Variants in CAPN13 observed in about 807,000 individuals in gnomAD.
CAPN13 encodes calpain-13.
A neutral mutation model predicts 98.4 loss-of-function variants in CAPN13; 90 were observed. That is an observed-to-expected ratio of 0.92 (90% CI 0.77 to 1.09). The LOEUF is 1.09. CAPN13 is among the 50% of genes least tolerant of loss of function. The pLI is 0.00. For missense variants in CAPN13, 887 were observed against 841.3 expected (o/e 1.05, Z -0.67); for synonymous variants, 330 against 305.5 (o/e 1.08, Z -0.84).
chr2:30,779,641 C>T (rs906914036), intron 2 of CAPN13, among the ~76,000 whole-genome samples: 2 of 152,042 alleles, frequency 1.3e-5, no homozygotes, highest in African/African-American at 4.8e-5. Context: ...AAACCCATAG[C>T]CTCAGATGCA....
At chr2:30,730,952 C>T (rs1207283826) in intron 21 of CAPN13, among the ~76,000 whole-genome samples, 166 bp from the exon 22 acceptor site, 1 of 152,170 alleles carries the variant, frequency 6.6e-6, no homozygotes, top group Non-Finnish European at 1.5e-5. Context: ...TCTCACAGCA[C>T]ATCTTCTGCT....
At position 30,764,312 on chromosome 2, in the gene CAPN13, A is replaced by G. The variant is rs1673003564; in HGVS notation, c.525-6T>C. 6.2e-7 allele frequency: 1 copy of G among 1,612,912 alleles called. No homozygotes were observed. The highest frequency in any genetic ancestry group is 1.1e-5 in the South Asian group (1 of 90,942). ...CGGAATAGGATCCGAGCAGCCTGGGAGGGAATGGGGGATGAACCATCGTGG... is the reference window on the plus strand; with the variant it reads ...CGGAATAGGATCCGAGCAGCCTGGGGGGGAATGGGGGATGAACCATCGTGG... On this transcript the variant is annotated splice_polypyrimidine_tract_variant and splice_region_variant and intron_variant, in intron 5 of 22. Transcript: ENST00000295055.
chr2:30,801,007 A>G (rs1675238751), intron 1 of CAPN13, among the ~76,000 whole-genome samples: 1 of 152,100 alleles, frequency 6.6e-6, no homozygotes, highest in Non-Finnish European at 1.5e-5. Flanking sequence ...TCATTTAGCT[A>G]ATTCAAATTT....
At chr2:30,790,101 C>A (rs187805523) in intron 1 of CAPN13, among the ~76,000 whole-genome samples, 3 of 152,342 alleles carry the variant, frequency 2.0e-5, no homozygotes, top group Admixed American at 1.3e-4. Flanking sequence ...TAGTTCTTTC[C>A]TCTGAGTTGC....
At chr2:30,778,338 G>A (rs1312447464) in intron 2 of CAPN13, among the ~76,000 whole-genome samples, 1 of 152,146 alleles carries the variant, frequency 6.6e-6, no homozygotes, top group Non-Finnish European at 1.5e-5. Flanking sequence ...ATGAAGAACT[G>A]TCAGCAGGCA....
intron 8 of CAPN13, among the ~76,000 whole-genome samples, chr2:30,757,604 T>A (rs917862847): frequency 6.6e-6 from 1 of 152,222 alleles, no homozygotes; most frequent in Admixed American, 6.5e-5. Context: ...ACCCTGATGA[T>A]GTGACATGCT....
chr2:30,783,175 T>C (rs144939849), intron 2 of CAPN13, among the ~76,000 whole-genome samples: 178 of 152,322 alleles, frequency 1.2e-3, no homozygotes, highest in African/African-American at 4.2e-3. Context: ...AAACTATCCA[T>C]GAAATAAAAA....
At chr2:30,749,456 T>C (rs1672069925) in intron 11 of CAPN13, among the ~76,000 whole-genome samples, 1 of 152,242 alleles carries the variant, frequency 6.6e-6, no homozygotes, top group South Asian at 2.1e-4. Flanking sequence ...CAGCCATGTC[T>C]GGGGTACCCA....
At chr2:30,799,999 G>A (rs574638461) in intron 1 of CAPN13, among the ~76,000 whole-genome samples, 7 of 151,876 alleles carry the variant, frequency 4.6e-5, no homozygotes, top group African/African-American at 7.3e-5. Flanking sequence ...GCATGAACCC[G>A]GGAGGCAGAG....
intron 1 of CAPN13, among the ~76,000 whole-genome samples, chr2:30,788,864 G>A (rs1002334981): frequency 1.3e-5 from 2 of 152,172 alleles, no homozygotes; most frequent in Admixed American, 6.5e-5. Flanking sequence ...GCATACAACT[G>A]TCTGACAAAC....
chr2:30,734,364 G>T, intron 19 of CAPN13, 85 bp downstream of exon 19: 1 of 1,032,776 alleles, frequency 9.7e-7, no homozygotes, highest in Non-Finnish European at 1.5e-6. Flanking sequence ...GCCTGGCACT[G>T]TTGTGCCAGC....
chr2:30,774,924 G>A (rs1036331981), intron 4 of CAPN13, among the ~76,000 whole-genome samples: 1 of 152,186 alleles, frequency 6.6e-6, no homozygotes, highest in African/African-American at 2.4e-5. Context: ...ACTGAAAGAA[G>A]AGTAAATCAA....
intron 22 of CAPN13, among the ~76,000 whole-genome samples, chr2:30,727,447 A>G (rs1310253712): frequency 6.6e-6 from 1 of 152,218 alleles, no homozygotes; most frequent in African/African-American, 2.4e-5. Context: ...TATACAAAGA[A>G]CATCTATAAC....
intron 4 of CAPN13, among the ~76,000 whole-genome samples, chr2:30,773,700 A>G (rs902576386): frequency 1.3e-5 from 2 of 152,232 alleles, no homozygotes; most frequent in East Asian, 3.8e-4. Context: ...GGAAAAGTGT[A>G]AAGCCAGAGC....
At chr2:30,753,903 T>C (rs1572820112) in intron 9 of CAPN13, among the ~76,000 whole-genome samples, 1 of 152,162 alleles carries the variant, frequency 6.6e-6, no homozygotes, top group Admixed American at 6.5e-5. Flanking sequence ...GTCTGCATCC[T>C]GCTGCTGTTT....
At position 30,802,004 on chromosome 2, in the gene CAPN13, C is replaced by A. The variant is rs374402255; in HGVS notation, c.-33+5298G>T. Among the ~76,000 whole-genome samples the A allele has an allele frequency of 9.2e-5, 14 of 152,332 alleles. 1 individual carries two copies. The highest frequency in any genetic ancestry group is 3.9e-4 in the East Asian group (2 of 5,188). On this transcript the variant is annotated intron_variant, in intron 1 of 22. Coordinates refer to ENST00000295055, the MANE Select transcript of CAPN13 (RefSeq NM_144575.3). ...CCACCGCCCCCTGCGCTGCGTCTAG[C>A]CACAACACAGCGGAGAAAGGACAGT...
At chr2:30,790,616 G>A (rs1389718525) in intron 1 of CAPN13, among the ~76,000 whole-genome samples, 3 of 152,166 alleles carry the variant, frequency 2.0e-5, no homozygotes, top group African/African-American at 7.2e-5. Context: ...TTGCTGAGTT[G>A]GGTGACTGAG....
chr2:30,738,099 C>T, intron 17 of CAPN13, 136 bp downstream of exon 17: 1 of 870,524 alleles, frequency 1.1e-6, no homozygotes, highest in Non-Finnish European at 1.9e-6. Flanking sequence ...TAGAGAATCC[C>T]CAGAAACTCA....
chr2:30,777,229 G>A lies in CAPN13; in HGVS notation c.271+338C>T, dbSNP rs146074124. 3.9e-3 allele frequency among the ~76,000 whole-genome samples: 588 copies of A among 152,334 alleles called. 5 individuals carry two copies. Among genetic ancestry groups the A allele is most frequent in the African/African-American group, 0.013 (561 of 41,572 alleles). ...GTGGGGTGGGAAGCAGTCAGAGAGT[G>A]CTGGATTCTTAACTCTGTTGCTAAC... On this transcript the variant is annotated intron_variant, in intron 3 of 22. Transcript: ENST00000295055.
Sources: gnomAD v4.1 joint callset for allele counts (sites outside exome capture counted in the v4.1 genomes callset) on GRCh38, gnomAD v4.1.1 for gene constraint, MANE v1.5 for transcripts, NCBI Gene and HGNC (gene_info 2026-07-23, HGNC 2026-07-21) for gene names.